The following SLC25A11 variants were observed in gnomAD, a reference collection of about 807,000 sequenced individuals.
The protein encoded by SLC25A11 is mitochondrial 2-oxoglutarate/malate carrier protein.
Under a neutral mutation model 32.7 loss-of-function variants are expected in SLC25A11, and 11 were observed. The observed-to-expected ratio is 0.34, with a 90% CI of 0.21 to 0.56. SLC25A11 has a LOEUF of 0.56. Among genes scored for constraint, SLC25A11 ranks in the 20% least tolerant of loss-of-function variants. The probability of loss-of-function intolerance (pLI) is 0.90; values close to 1 mark genes in which losing one functional copy is unlikely to be tolerated. For synonymous variants in SLC25A11, 163 were observed against 168.3 expected, an observed-to-expected ratio of 0.97 and a Z score of 0.24; for missense variants, 295 against 426.3, an observed-to-expected ratio of 0.69 and a Z score of 2.71.
rs1249043328 is a variant in SLC25A11 at position 4,937,683 on chromosome 17, A to G, written c.*58T>C. On this transcript the variant is annotated 3_prime_UTR_variant, in exon 8 of 8. Transcript: ENST00000225665. ...AGAGGGGTCCAGGGCAGCAGAGCCC[A>G]GGCCCCCAGGGCGCAGTGGCTATAG... 2.0e-5 allele frequency: 31 copies of G among 1,529,450 alleles called. No homozygotes were observed. The highest frequency in any genetic ancestry group is 2.6e-5 in the Non-Finnish European group (30 of 1,138,788). The allele number at this position is 1,529,450 out of a possible 1,614,324, so 94.7% of individuals were successfully genotyped here.
At chr17:4,937,937 G>T (rs371163759) in intron 7 of SLC25A11, 41 bp from the exon 8 acceptor site, 2 of 1,612,748 alleles carry the variant, frequency 1.2e-6, no homozygotes, top group African/African-American at 2.7e-5. Context: ...AGGACTCTAG[G>T]TCCCCATCCC....
Position 4,938,732 on chromosome 17 carries a change from G to C in SLC25A11, c.455+37C>G, listed in dbSNP as rs1231734282. ...TGGTCCTTTCATTCTAGATTCGAGG[G>C]AATGGGGCTGGGGTTAGGTTCAGAC... On this transcript the variant is annotated intron_variant, in intron 3 of 7. Transcript: ENST00000225665. This position sits in a 1 kb window ranked among gnomAD's most constrained non-coding sequence, Gnocchi z 7.6. The C allele has an allele frequency of 6.3e-7, 1 of 1,596,514 alleles. No individual in the cohort carries two copies. Among genetic ancestry groups the C allele is most frequent in the Non-Finnish European group, 8.6e-7 (1 of 1,167,098 alleles).
rs2151112427 is a variant in SLC25A11, at chr17:4,939,265, G to A, written c.96-53C>T. 1.3e-6 allele frequency: 2 copies of A among 1,554,132 alleles called. No individual in the cohort carries two copies. The highest frequency in any genetic ancestry group is 2.3e-5 in the East Asian group (1 of 44,086). ...GGCCAGGCATTCCAGATCTACCAGT[G>A]CCCACTGGAGCCTGGCAGCAAGAGG... On this transcript the variant is annotated intron_variant, in intron 1 of 7. Transcript: ENST00000225665. The surrounding 1 kb of genome is among the most constrained non-coding windows in gnomAD (Gnocchi z 4.1).
chr17:4,937,993 C>T (rs375082797), intron 7 of SLC25A11, 30 bp downstream of exon 7: 3 of 1,613,740 alleles, frequency 1.9e-6, no homozygotes, highest in African/African-American at 1.3e-5. Context: ...TCCGACACCC[C>T]CTCCCAGGCC....
Position 4,939,433 on chromosome 17 carries a change from C to T in SLC25A11, c.96-221G>A. On this transcript the variant is annotated intron_variant, in intron 1 of 7. Coordinates refer to ENST00000225665, the MANE Select transcript of SLC25A11 (RefSeq NM_003562.5). The surrounding 1 kb of genome is among the most constrained non-coding windows in gnomAD (Gnocchi z 4.1). Reference sequence around the variant, plus strand: ...GGCCATGCAATGAAAGTGCTCCAAGCAGCTTCATGACAGTCAAGCAGTGAC... The same window carrying T: ...GGCCATGCAATGAAAGTGCTCCAAGTAGCTTCATGACAGTCAAGCAGTGAC... The T allele has an allele frequency of 1.7e-6, 1 of 601,172 alleles. No homozygotes were observed. The highest frequency in any genetic ancestry group is 2.9e-6 in the Non-Finnish European group (1 of 341,998). 37.2% of individuals were successfully genotyped at this position (601,172 alleles called of 1,614,324 possible). A position where few individuals can be genotyped will look rare whatever the true frequency, so the allele number is the denominator to read the frequency against.
At position 4,939,598 on chromosome 17, in the gene SLC25A11, C is replaced by A. The variant is rs1039265092; in HGVS notation, c.95+218G>T. 3.4e-6 allele frequency: 2 copies of A among 594,530 alleles called. No homozygotes were observed. Among genetic ancestry groups the A allele is most frequent in the Non-Finnish European group, 5.9e-6 (2 of 337,154 alleles). 36.8% of individuals were successfully genotyped at this position (594,530 alleles called of 1,614,324 possible). ...GAGCTTAGCAATGCGCTGGGAAACT[C>A]AGCTGGCCCGGCGGGGGTTGTGCAA... On this transcript the variant is annotated intron_variant, in intron 1 of 7. Transcript: ENST00000225665. The surrounding 1 kb of genome is among the most constrained non-coding windows in gnomAD (Gnocchi z 4.1).
Position 4,938,145 on chromosome 17 carries a change from C to A in SLC25A11, c.737+9G>T, listed in dbSNP as rs575552617. ...CCCACCCACCTCCAGGCCCAGGCTG[C>A]ACACTCACCGGGTCTTGGCAATGTC... On this transcript the variant is annotated intron_variant, in intron 6 of 7. Coordinates refer to ENST00000225665, the MANE Select transcript of SLC25A11 (RefSeq NM_003562.5). This position sits in a 1 kb window ranked among gnomAD's most constrained non-coding sequence, Gnocchi z 7.6. 1.9e-4 allele frequency: 312 copies of A among 1,614,176 alleles called. 6 individuals carry two copies. The South Asian group carries it at 3.2e-3, about 16-fold the overall frequency.
rs909159643 is a variant in SLC25A11, at chr17:4,939,824, G to A, written c.87C>T (p.Gly29=). The A allele has an allele frequency of 1.2e-6, 2 of 1,611,536 alleles. No homozygotes were observed. The highest frequency in any genetic ancestry group is 3.3e-4 in the Middle Eastern group (2 of 6,052). Residue 29 remains glycine, a synonymous_variant, in exon 1 of 8, where the codon GGC becomes GGT. Coordinates refer to ENST00000225665, the MANE Select transcript of SLC25A11 (RefSeq NM_003562.5). The surrounding 1 kb of genome is among the most constrained non-coding windows in gnomAD (Gnocchi z 4.1). ...CTGGGGCCTGAGCTTACCCGGCCAG[G>A]CCCCCAAACAGGAACTTGACGGACT... ...SPKSVKFLFG[G]LAGMGATVFV...
chr17:4,939,853 G>A lies in SLC25A11; in HGVS notation c.58C>T (p.Pro20Ser), dbSNP rs11547254. ...CCAAACAGGAACTTGACGGACTTAG[G>A]GGAGGTACGGGGCTTCCCGTCTATC... The part of the protein sequence containing the change: ...GGIDGKPRTS[P>S]KSVKFLFGGL... Residue 20 changes from proline to serine, a missense_variant, in exon 1 of 8, where the codon CCT becomes TCT. Transcript: ENST00000225665. The surrounding 1 kb of genome is among the most constrained non-coding windows in gnomAD (Gnocchi z 4.1). 1.9e-6 allele frequency: 3 copies of A among 1,612,822 alleles called. No homozygotes were observed. The highest frequency in any genetic ancestry group is 2.2e-5 in the East Asian group (1 of 44,784).
In SLC25A11 at chr17:4,937,806, C is replaced by A. The variant is rs774070987; in HGVS notation, c.880G>T (p.Val294Phe). 1 of 1,614,136 alleles carries A rather than the reference C, an allele frequency of 6.2e-7. No homozygotes were observed. Among genetic ancestry groups the A allele is most frequent in the Non-Finnish European group, 8.5e-7 (1 of 1,180,010 alleles). Reference protein sequence around the residue: ...PYYARLGPHTVLTFIFLEQMN... With the variant: ...PYYARLGPHTFLTFIFLEQMN... ...TGCTCCAAGAAGATGAAGGTGAGGA[C>A]GGTGTGGGGGCCCAGGCGGGCATAG... The change falls in exon 8 of 8, where the codon GTC becomes TTC. Residue 294 changes from valine to phenylalanine, a missense_variant. Transcript: ENST00000225665.
chr17:4,937,924 GCTAGGACT>G, intron 7 of SLC25A11, 28 bp from the exon 8 acceptor site: 1 of 1,612,666 alleles, frequency 6.2e-7, no homozygotes, highest in Non-Finnish European at 8.5e-7. Flanking sequence ...GGGCGCTGGG[GCTAGGACT>G]CTAGGTCCCC....
Position 4,939,899 on chromosome 17 carries a change from C to G in SLC25A11, c.12G>C (p.Thr4=). The change falls in exon 1 of 8, where the codon ACG becomes ACC. Residue 4 remains threonine (T), a synonymous_variant. Transcript: ENST00000225665. This position sits in a 1 kb window ranked among gnomAD's most constrained non-coding sequence, Gnocchi z 4.1. MAA[T]ASAGAGGIDG... is the part of the protein sequence containing the mutation. Reference sequence around the variant, plus strand: ...CTATCCCGCCGGCCCCGGCACTCGCCGTCGCCGCCATCGCCACTCAATGGC... The same window carrying G: ...CTATCCCGCCGGCCCCGGCACTCGCGGTCGCCGCCATCGCCACTCAATGGC... The G allele has an allele frequency of 1.9e-6, 3 of 1,610,472 alleles. No individual in the cohort carries two copies. Among genetic ancestry groups the G allele is most frequent in the Non-Finnish European group, 2.5e-6 (3 of 1,179,090 alleles).
In SLC25A11 at chr17:4,939,615, G is replaced by A. The variant is rs1970586615; in HGVS notation, c.95+201C>T. ...GGGAAACTCAGCTGGCCCGGCGGGG[G>A]TTGTGCAACGACCCTGCATGCAGTC... On this transcript the variant is annotated intron_variant, in intron 1 of 7. Coordinates refer to ENST00000225665, the MANE Select transcript of SLC25A11 (RefSeq NM_003562.5). This position sits in a 1 kb window ranked among gnomAD's most constrained non-coding sequence, Gnocchi z 4.1. 6.6e-6 allele frequency: 4 copies of A among 606,940 alleles called. No homozygotes were observed. Among genetic ancestry groups the A allele is most frequent in the South Asian group, 4.1e-5 (2 of 48,556 alleles). 37.6% of individuals were successfully genotyped at this position (606,940 alleles called of 1,614,324 possible). A position where few individuals can be genotyped will look rare whatever the true frequency, so the allele number is the denominator to read the frequency against.
rs747131816 is a variant in SLC25A11, at chr17:4,937,761, G to A, written c.925C>T (p.Arg309Cys). 8.7e-6 allele frequency: 14 copies of A among 1,612,062 alleles called. No homozygotes were observed. Among genetic ancestry groups the A allele is most frequent in the South Asian group, 1.1e-5 (1 of 90,866 alleles). The change falls in exon 8 of 8, where the codon CGT (arginine) becomes TGT (cysteine). Residue 309 changes from arginine (R) to cysteine (C), a missense_variant. Physicochemically the swap from Arg to Cys is radical, Grantham distance 180. Around this residue, in one of 3 missense-constraint regions of SLC25A11, gnomAD observed 142 missense variants for 197.8 expected, o/e 0.72. Coordinates refer to ENST00000225665, the MANE Select transcript of SLC25A11 (RefSeq NM_003562.5). ...CCGCTTCAGCCACTGAGGAAGAGAC[G>A]CTTGTAGGCCTTGTTCATCTGCTCC... ...FLEQMNKAYK[R>C]LFLSG
At chr17:4,940,043 AGCCGGCGCGGGC>A (rs1970625392) in exon 1 of SLC25A11, 2 of 562,642 alleles carry the variant, frequency 3.6e-6, no homozygotes, top group East Asian at 3.6e-5. Context: ...ACCCGCTGGA[AGCCGGCGCGGGC>A]GCAGGCGCGC....
rs1020115456 is a variant in SLC25A11, at chr17:4,939,892, C to A, written c.19G>T (p.Ala7Ser). 5 of 1,610,766 alleles carry A rather than the reference C, an allele frequency of 3.1e-6. No individual in the cohort carries two copies. Among genetic ancestry groups the A allele is most frequent in the Non-Finnish European group, 4.2e-6 (5 of 1,179,242 alleles). MAATAS[A>S]GAGGIDGKPR... ...TTCCCGTCTATCCCGCCGGCCCCGG[C>A]ACTCGCCGTCGCCGCCATCGCCACT... is the stretch of plus-strand genomic sequence containing the variant. Residue 7 changes from alanine to serine, a missense_variant, in exon 1 of 8, where the codon GCC becomes TCC. Coordinates refer to ENST00000225665, the MANE Select transcript of SLC25A11 (RefSeq NM_003562.5). This position sits in a 1 kb window ranked among gnomAD's most constrained non-coding sequence, Gnocchi z 4.1.
Position 4,939,660 on chromosome 17 carries a change from G to T in SLC25A11, c.95+156C>A, listed in dbSNP as rs1597650007. 1 of 703,168 alleles carries T rather than the reference G, an allele frequency of 1.4e-6. No homozygotes were observed. Among genetic ancestry groups the T allele is most frequent in the East Asian group, 2.8e-5 (1 of 35,894 alleles). The allele number at this position is 703,168 out of a possible 1,614,324, so 43.6% of individuals were successfully genotyped here. The stretch of plus-strand genomic sequence containing the variant: ...GCAGTCCATAAGGGTCCTGCAATGG[G>T]GCCCTAGCAGCCCATCGGGGAACTC... On this transcript the variant is annotated intron_variant, in intron 1 of 7. Coordinates refer to ENST00000225665, the MANE Select transcript of SLC25A11 (RefSeq NM_003562.5). This position sits in a 1 kb window ranked among gnomAD's most constrained non-coding sequence, Gnocchi z 4.1.
In SLC25A11 at chr17:4,939,072, C is replaced by T; in HGVS notation, c.236G>A (p.Gly79Asp). 6.2e-7 allele frequency: 1 copy of T among 1,614,200 alleles called. No homozygotes were observed. The highest frequency in any genetic ancestry group is 1.1e-5 in the South Asian group (1 of 91,086). Residue 79 changes from glycine (G) to aspartate (D), a missense_variant, in exon 2 of 8, where the codon GGC (glycine) becomes GAC (aspartate). This residue lies in a region of SLC25A11 where 104 missense variants were observed against 121.5 expected (regional missense o/e 0.86). Transcript: ENST00000225665. This position sits in a 1 kb window ranked among gnomAD's most constrained non-coding sequence, Gnocchi z 4.1. ...GAGGCCCCAATACCCAGTGTAAATGCCCCTCAGGCCTTCTGCCTTCAGGAT... is the reference window on the plus strand; with the variant it reads ...GAGGCCCCAATACCCAGTGTAAATGTCCCTCAGGCCTTCTGCCTTCAGGAT... The part of the protein sequence containing the change: ...TSILKAEGLR[G>D]IYTGLSAGLL...
rs926724638 is a variant in SLC25A11, at chr17:4,939,460, T to C, written c.96-248A>G. The C allele has an allele frequency of 3.4e-6, 2 of 585,274 alleles. No individual in the cohort carries two copies. Among genetic ancestry groups the C allele is most frequent in the Admixed American group, 6.1e-5 (2 of 32,668 alleles). The allele number at this position is 585,274 out of a possible 1,614,324, so 36.3% of individuals were successfully genotyped here. On this transcript the variant is annotated intron_variant, in intron 1 of 7. Coordinates refer to ENST00000225665, the MANE Select transcript of SLC25A11 (RefSeq NM_003562.5). This position sits in a 1 kb window ranked among gnomAD's most constrained non-coding sequence, Gnocchi z 4.1. ...GCTTCATGACAGTCAAGCAGTGACC[T>C]GGGGCTGCACGCAGTCCGACACAGG...
Sources: allele counts gnomAD v4.1 joint callset, GRCh38; gene constraint gnomAD v4.1.1; regional missense constraint gnomAD v4.1.1; non-coding constraint Gnocchi (gnomAD v3.1); transcripts MANE v1.5; gene names NCBI Gene and HGNC (gene_info 2026-07-23, HGNC 2026-07-21).